ARHGAP18: variants seen among roughly 807,000 people sequenced by gnomAD.
The protein encoded by ARHGAP18 is rho GTPase-activating protein 18.
A neutral mutation model predicts 86.2 loss-of-function variants in ARHGAP18; 67 were observed. The observed-to-expected ratio is 0.78, with a 90% CI of 0.64 to 0.95. The LOEUF (loss-of-function observed/expected upper bound fraction) is 0.95. Among genes scored for constraint, ARHGAP18 ranks in the 40% least tolerant of loss-of-function variants. ARHGAP18 has a pLI of 0.00. For synonymous variants in ARHGAP18, 283 were observed against 280.4 expected (o/e 1.01, Z -0.09); for missense variants, 691 against 780.4 (o/e 0.89, Z 1.37).
intron 8 of ARHGAP18, 90 bp from the exon 9 acceptor site, chr6:129,608,142 T>G (rs1289433216): frequency 2.9e-6 from 4 of 1,396,742 alleles, no homozygotes; most frequent in Non-Finnish European, 3.8e-6. Context: ...ATTTTCACTT[T>G]CAAGAGACTC....
At chr6:129,696,968 C>A (rs930152794) in intron 1 of ARHGAP18, among the ~76,000 whole-genome samples, 1 of 152,158 alleles carries the variant, frequency 6.6e-6, no homozygotes, top group Admixed American at 6.5e-5. Context: ...TCCATCCTCT[C>A]GAATCTAGGT....
chr6:129,702,463 G>GA (rs1774730747), intron 1 of ARHGAP18, among the ~76,000 whole-genome samples: 3 of 152,094 alleles, frequency 2.0e-5, no homozygotes, highest in African/African-American at 7.2e-5. Context: ...AAAACATTTA[G>GA]AACAAACCAT....
chr6:129,681,841 G>A (rs565486963), intron 1 of ARHGAP18, among the ~76,000 whole-genome samples: 34 of 152,280 alleles, frequency 2.2e-4, no homozygotes, highest in African/African-American at 7.7e-4. Flanking sequence ...CACAGGTTAG[G>A]CAATCCATTA....
At chr6:129,662,795 G>A (rs1198766353) in intron 1 of ARHGAP18, among the ~76,000 whole-genome samples, 1 of 152,146 alleles carries the variant, frequency 6.6e-6, no homozygotes, top group African/African-American at 2.4e-5. Context: ...TGTAAGTGAG[G>A]AACAGTACTG....
Position 129,613,049 on chromosome 6 carries a change from T to C in ARHGAP18, c.1045-1439A>G, listed in dbSNP as rs184474803. Among the ~76,000 whole-genome samples, 336 of 151,972 alleles carry C rather than the reference T, an allele frequency of 2.2e-3. 2 individuals are homozygous for C. The highest frequency in any genetic ancestry group is 3.8e-3 in the Non-Finnish European group (255 of 67,944). The stretch of plus-strand genomic sequence containing the variant: ...GAGATCGAGACCATCCTTGTTAACA[T>C]GGTGAAACCCCGTCTCTACTAAAAA... On this transcript the variant is annotated intron_variant, in intron 7 of 14. Coordinates refer to ENST00000368149, the MANE Select transcript of ARHGAP18 (RefSeq NM_033515.3).
chr6:129,660,581 C>T (rs1034950753), intron 1 of ARHGAP18, among the ~76,000 whole-genome samples: 2 of 152,180 alleles, frequency 1.3e-5, no homozygotes, highest in African/African-American at 4.8e-5. Context: ...ACCCTTGCTA[C>T]CTAAATGTGC....
chr6:129,592,929 T>C (rs1584028401), intron 12 of ARHGAP18, among the ~76,000 whole-genome samples: 1 of 152,172 alleles, frequency 6.6e-6, no homozygotes, highest in Admixed American at 6.5e-5. Flanking sequence ...GTTCGATTGT[T>C]GATGATAAAG....
chr6:129,650,037 C>T (rs576526112), intron 1 of ARHGAP18, among the ~76,000 whole-genome samples: 6 of 151,132 alleles, frequency 4.0e-5, no homozygotes, highest in East Asian at 3.9e-4. Flanking sequence ...CTCAGTCTCC[C>T]GAGTAGCTGG....
intron 1 of ARHGAP18, among the ~76,000 whole-genome samples, chr6:129,687,020 C>T (rs1312001189): frequency 2.4e-5 from 3 of 124,162 alleles, no homozygotes; most frequent in African/African-American, 6.2e-5. Flanking sequence ...GACGAGGTTT[C>T]ACCATGTTGG....
intron 1 of ARHGAP18, among the ~76,000 whole-genome samples, chr6:129,649,273 C>T (rs182741164): frequency 2.9e-4 from 44 of 152,212 alleles, no homozygotes; most frequent in African/African-American, 9.1e-4. Flanking sequence ...ATAAAAGTCG[C>T]GGCCAGGTGC....
intron 2 of ARHGAP18, among the ~76,000 whole-genome samples, chr6:129,640,205 T>G (rs1457064061): frequency 1.3e-5 from 2 of 152,178 alleles, no homozygotes; most frequent in African/African-American, 4.8e-5. Context: ...AGTCATTTTT[T>G]CCATTAAAAA....
intron 4 of ARHGAP18, among the ~76,000 whole-genome samples, chr6:129,631,273 G>A (rs923872281): frequency 2.6e-5 from 4 of 151,864 alleles, no homozygotes; most frequent in Non-Finnish European, 5.9e-5. Context: ...TCCATGTCAG[G>A]GTTACAATAA....
intron 1 of ARHGAP18, among the ~76,000 whole-genome samples, chr6:129,655,588 C>T (rs953216862): frequency 6.6e-6 from 1 of 151,758 alleles, no homozygotes; most frequent in Non-Finnish European, 1.5e-5. Flanking sequence ...AGACTTAGAA[C>T]TTTTTCTTGT....
intron 1 of ARHGAP18, among the ~76,000 whole-genome samples, chr6:129,652,175 T>C (rs1406916038): frequency 1.3e-5 from 2 of 152,234 alleles, no homozygotes; most frequent in Non-Finnish European, 1.5e-5. Flanking sequence ...CCCTGGTCTG[T>C]TTCTGAAGTT....
intron 1 of ARHGAP18, among the ~76,000 whole-genome samples, chr6:129,700,977 G>T (rs1369086724): frequency 6.7e-6 from 1 of 148,268 alleles, no homozygotes; most frequent in Non-Finnish European, 1.5e-5. Context: ...CAAGGCTTAG[G>T]TATAAAGGAA....
intron 1 of ARHGAP18, among the ~76,000 whole-genome samples, chr6:129,655,333 A>G (rs976533991): frequency 1.5e-5 from 2 of 136,562 alleles, no homozygotes; most frequent in Admixed American, 1.4e-4. Flanking sequence ...AAAAAAAAAA[A>G]AAAAAAAAGA....
At chr6:129,634,799 G>C (rs1773297696) in intron 3 of ARHGAP18, among the ~76,000 whole-genome samples, 3 of 151,866 alleles carry the variant, frequency 2.0e-5, no homozygotes, top group South Asian at 4.2e-4. Flanking sequence ...TTAAGTGGGT[G>C]AATTATATGG....
At chr6:129,632,510 C>A (rs1044986814) in intron 4 of ARHGAP18, among the ~76,000 whole-genome samples, 2 of 152,146 alleles carry the variant, frequency 1.3e-5, no homozygotes, top group Non-Finnish European at 2.9e-5. Context: ...GCCAGTCACT[C>A]TTCCCCAGAG....
At chr6:129,625,606 A>C (rs183852702) in intron 5 of ARHGAP18, among the ~76,000 whole-genome samples, 797 of 58,186 alleles carry the variant, frequency 0.014, 17 homozygotes, top group Middle Eastern at 0.043. Context: ...TATATTATAT[A>C]TTATTATATA....
Sources: allele counts gnomAD v4.1 joint callset (sites outside exome capture counted in the v4.1 genomes callset), GRCh38; gene constraint gnomAD v4.1.1; transcripts MANE v1.5; gene names NCBI Gene and HGNC (gene_info 2026-07-23, HGNC 2026-07-21).